Variants in STX18 observed in about 807,000 individuals in gnomAD.
STX18 encodes syntaxin 18.
Under a neutral mutation model 50.1 loss-of-function variants are expected in STX18, and 40 were observed. That is an observed-to-expected ratio of 0.80 (90% CI 0.62 to 1.04). The LOEUF (loss-of-function observed/expected upper bound fraction) is 1.04. STX18 is among the 50% of genes least tolerant of loss of function. The pLI is 0.00. For missense variants in STX18, 410 were observed against 415.8 expected (o/e 0.99, Z 0.12); for synonymous variants, 158 against 151.8 (o/e 1.04, Z -0.30).
intron 1 of STX18, among the ~76,000 whole-genome samples, chr4:4,475,016 GT>G (rs1376423326): frequency 1.3e-5 from 2 of 152,124 alleles, no homozygotes; most frequent in Non-Finnish European, 2.9e-5. Context: ...TCCATACAAA[GT>G]TTTGAAAAGT....
At chr4:4,459,312 T>C in intron 3 of STX18, 60 bp downstream of exon 3, 1 of 1,245,646 alleles carries the variant, frequency 8.0e-7, no homozygotes, top group South Asian at 1.2e-5. Context: ...ACCATATGCA[T>C]CTTGTTTAAC....
At chr4:4,435,622 C>G (rs1052458154) in intron 6 of STX18, among the ~76,000 whole-genome samples, 5 of 152,212 alleles carry the variant, frequency 3.3e-5, no homozygotes, top group Non-Finnish European at 5.9e-5. Context: ...TTAGCCATAA[C>G]TACGCTGACA....
chr4:4,541,626 G>A (rs1560218586), intron 1 of STX18, among the ~76,000 whole-genome samples, 171 bp downstream of exon 1: 2 of 151,478 alleles, frequency 1.3e-5, no homozygotes, highest in South Asian at 4.2e-4. Flanking sequence ...TCAAAATAAG[G>A]CTGTTCCTTC....
chr4:4,489,391 A>ATTTTTTTTTTTTTTT lies in STX18; in HGVS notation c.169-17700_169-17686dup, dbSNP rs34563523. 8.1e-4 allele frequency among the ~76,000 whole-genome samples: 42 copies of ATTTTTTTTTTTTTTT among 51,676 alleles called. 11 individuals are homozygous for ATTTTTTTTTTTTTTT. Among genetic ancestry groups the ATTTTTTTTTTTTTTT allele is most frequent in the Non-Finnish European group, 1.3e-3 (34 of 26,642 alleles). The allele number at this position is 51,676 out of a possible 152,430, so 33.9% of individuals were successfully genotyped here. A position where few individuals can be genotyped will look rare whatever the true frequency, so the allele number is the denominator to read the frequency against. ...AGCACTTCAATACACATGCAAAATA[A>ATTTTTTTTTTTTTTT]TTTTTTTTTTTTTTTTTTTTTTTTT... On this transcript the variant is annotated intron_variant, in intron 1 of 10. Coordinates refer to ENST00000306200, the MANE Select transcript of STX18 (RefSeq NM_016930.4).
chr4:4,532,128 C>T (rs1731124804), intron 1 of STX18, among the ~76,000 whole-genome samples: 2 of 152,110 alleles, frequency 1.3e-5, no homozygotes, highest in Admixed American at 6.5e-5. Flanking sequence ...CTCTCTACTC[C>T]CCCAAGGAAG....
At position 4,420,572 on chromosome 4, in the gene STX18, T is replaced by C. The variant is rs1424661135; in HGVS notation, c.912+292A>G. The stretch of plus-strand genomic sequence containing the variant: ...TCGGTGGGGGCCAACGAGCTACCCA[T>C]GTACATCCCTGGACATGAAGAGCTG... On this transcript the variant is annotated intron_variant, in intron 10 of 10. Coordinates refer to ENST00000306200, the MANE Select transcript of STX18 (RefSeq NM_016930.4). The surrounding 1 kb of genome is among the most constrained non-coding windows in gnomAD (Gnocchi z 4.3). 2.2e-6 allele frequency: 1 copy of C among 457,752 alleles called. No homozygotes were observed. Among genetic ancestry groups the C allele is most frequent in the Non-Finnish European group, 3.9e-6 (1 of 256,206 alleles). The allele number at this position is 457,752 out of a possible 1,614,324, so 28.4% of individuals were successfully genotyped here.
At chr4:4,484,067 T>A (rs1018867296) in intron 1 of STX18, among the ~76,000 whole-genome samples, 1 of 152,184 alleles carries the variant, frequency 6.6e-6, no homozygotes, top group African/African-American at 2.4e-5. Context: ...TTTCACCATG[T>A]TAGCCAGGAT....
chr4:4,542,034 G>T lies in STX18; in HGVS notation c.-70C>A. Reference sequence around the variant, plus strand: ...CAGCCGGCGACCGCGGCGCGAACCCGGCCGCTGAAGGACTGGTCCTGCCCC... The same window carrying T: ...CAGCCGGCGACCGCGGCGCGAACCCTGCCGCTGAAGGACTGGTCCTGCCCC... On this transcript the variant is annotated 5_prime_UTR_variant, in exon 1 of 11. Coordinates refer to ENST00000306200, the MANE Select transcript of STX18 (RefSeq NM_016930.4). 3 of 1,463,978 alleles carry T rather than the reference G, an allele frequency of 2.0e-6. No individual in the cohort carries two copies. Among genetic ancestry groups the T allele is most frequent in the Non-Finnish European group, 1.8e-6 (2 of 1,102,748 alleles). 90.7% of individuals were successfully genotyped at this position (1,463,978 alleles called of 1,614,324 possible). A position where few individuals can be genotyped will look rare whatever the true frequency, so the allele number is the denominator to read the frequency against.
At chr4:4,528,422 C>T (rs1229865886) in intron 1 of STX18, among the ~76,000 whole-genome samples, 3 of 152,110 alleles carry the variant, frequency 2.0e-5, no homozygotes, top group Admixed American at 2.0e-4. Context: ...TGGGACCTCC[C>T]CCTTCTCTCT....
chr4:4,450,447 C>G (rs1419040527), intron 5 of STX18, among the ~76,000 whole-genome samples: 1 of 152,152 alleles, frequency 6.6e-6, no homozygotes. Context: ...CAGCCTCCCA[C>G]ATGGCTAGGA....
intron 8 of STX18, chr4:4,423,899 G>A (rs1422043947): frequency 5.2e-6 from 2 of 386,938 alleles, no homozygotes; most frequent in African/African-American, 4.1e-5. Flanking sequence ...TCGGGGAATG[G>A]GGAGGGCCTG....
chr4:4,491,644 G>A (rs1728947008), intron 1 of STX18, among the ~76,000 whole-genome samples: 1 of 152,058 alleles, frequency 6.6e-6, no homozygotes, highest in Admixed American at 6.5e-5. Flanking sequence ...AAATGGCTAT[G>A]TACTTTTAAA....
At chr4:4,484,731 C>T (rs960037366) in intron 1 of STX18, among the ~76,000 whole-genome samples, 2 of 152,208 alleles carry the variant, frequency 1.3e-5, no homozygotes, top group African/African-American at 4.8e-5. Flanking sequence ...TCCTCCCCTA[C>T]CTGCCTAACA....
At chr4:4,524,690 T>C (rs956525902) in intron 1 of STX18, among the ~76,000 whole-genome samples, 2 of 152,250 alleles carry the variant, frequency 1.3e-5, no homozygotes, top group African/African-American at 4.8e-5. Flanking sequence ...GTGGTGACAC[T>C]GTTTGGTTCA....
intron 1 of STX18, among the ~76,000 whole-genome samples, chr4:4,509,353 A>G (rs1208185217): frequency 2.0e-5 from 3 of 151,566 alleles, no homozygotes; most frequent in Non-Finnish European, 4.4e-5. Context: ...GGCTGCATGT[A>G]TATCTTCTTT....
chr4:4,524,612 GAGGCGCCTTAA>G (rs1730667528), intron 1 of STX18, among the ~76,000 whole-genome samples: 2 of 152,260 alleles, frequency 1.3e-5, no homozygotes, highest in African/African-American at 4.8e-5. Flanking sequence ...AAGGGCGTTA[GAGGCGCCTTAA>G]AGGCGCCAAC....
intron 1 of STX18, 144 bp from the exon 2 acceptor site, chr4:4,471,850 A>C: frequency 1.8e-6 from 1 of 565,348 alleles, no homozygotes; most frequent in South Asian, 2.8e-5. Context: ...ACTCTCGTAC[A>C]GTCACAAATT....
In STX18 at chr4:4,425,289, C is replaced by T. The variant is rs1473102429; in HGVS notation, c.703-67G>A. The stretch of plus-strand genomic sequence containing the variant: ...CTTAGGCAAGAGTCTAGCAAGAAAG[C>T]GGACCTACGCTCCAGGAATCACTGC... On this transcript the variant is annotated intron_variant, in intron 7 of 10. Coordinates refer to ENST00000306200, the MANE Select transcript of STX18 (RefSeq NM_016930.4). 47 of 1,411,238 alleles carry T rather than the reference C, an allele frequency of 3.3e-5. No individual in the cohort carries two copies. The Admixed American group carries it at 4.0e-4, about 12-fold the overall frequency. The allele number at this position is 1,411,238 out of a possible 1,614,324, so 87.4% of individuals were successfully genotyped here.
chr4:4,528,586 A>T (rs372993362), intron 1 of STX18, among the ~76,000 whole-genome samples: 26 of 152,328 alleles, frequency 1.7e-4, no homozygotes, highest in African/African-American at 5.3e-4. Flanking sequence ...TTTCGTTATA[A>T]ATTACCCAGC....
Sources: allele counts gnomAD v4.1 joint callset (sites outside exome capture counted in the v4.1 genomes callset), GRCh38; gene constraint gnomAD v4.1.1; non-coding constraint Gnocchi (gnomAD v3.1); transcripts MANE v1.5; gene names NCBI Gene and HGNC (gene_info 2026-07-23, HGNC 2026-07-21).